The following RMST variants were observed in gnomAD, a reference collection of about 807,000 sequenced individuals.
RMST encodes rhabdomyosarcoma 2 associated transcript, also known as long intergenic non-protein coding RNA 54.
At chr12:97,542,678 T>C (rs1357569340) in intron 11 of RMST, among the ~76,000 whole-genome samples, 1 of 151,948 alleles carries the variant, frequency 6.6e-6, no homozygotes, top group Non-Finnish European at 1.5e-5. Context: ...TCTGGGGCTT[T>C]GATTCATGAA....
chr12:97,532,131 T>G (rs1434021710), intron 11 of RMST, among the ~76,000 whole-genome samples: 2 of 151,990 alleles, frequency 1.3e-5, no homozygotes, highest in Non-Finnish European at 2.9e-5. Flanking sequence ...TTTAATTTCA[T>G]CAGTAAGAAA....
chr12:97,553,200 T>G (rs753345650), intron 11 of RMST, among the ~76,000 whole-genome samples: 1 of 152,128 alleles, frequency 6.6e-6, no homozygotes, highest in Non-Finnish European at 1.5e-5. Context: ...TTTATTTTTA[T>G]TCTAATTATT....
At chr12:97,503,332 C>T (rs1405298144) in intron 10 of RMST, among the ~76,000 whole-genome samples, 2 of 151,930 alleles carry the variant, frequency 1.3e-5, no homozygotes, top group Admixed American at 6.6e-5. Flanking sequence ...TCAATTTTAT[C>T]GACGTGAACT....
chr12:97,540,558 G>C (rs1192098196), intron 11 of RMST, among the ~76,000 whole-genome samples: 1 of 151,710 alleles, frequency 6.6e-6, no homozygotes, highest in African/African-American at 2.4e-5. Context: ...AGCAAAGCTT[G>C]TAGACGGGCA....
At chr12:97,470,947 T>G (rs1873838772) in intron 5 of RMST, among the ~76,000 whole-genome samples, 1 of 152,126 alleles carries the variant, frequency 6.6e-6, no homozygotes, top group Non-Finnish European at 1.5e-5. Context: ...AAACTCCTAG[T>G]GCAAATCTCC....
intron 5 of RMST, among the ~76,000 whole-genome samples, chr12:97,488,137 G>A (rs1017322416): frequency 3.3e-5 from 5 of 152,090 alleles, no homozygotes; most frequent in South Asian, 4.1e-4. Flanking sequence ...GTAATCCAGC[G>A]CTTTGGGAGG....
intron 11 of RMST, among the ~76,000 whole-genome samples, chr12:97,531,380 T>A (rs1881610409): frequency 6.6e-6 from 1 of 152,030 alleles, no homozygotes; most frequent in South Asian, 2.1e-4. Flanking sequence ...AAAACAACAT[T>A]TATAAAGACG....
chr12:97,501,732 G>A (rs756344061), intron 10 of RMST, among the ~76,000 whole-genome samples: 5 of 152,146 alleles, frequency 3.3e-5, no homozygotes, highest in Non-Finnish European at 5.9e-5. Flanking sequence ...AAAAATGGCT[G>A]GTTAGTGTCA....
chr12:97,514,667 GTT>G (rs201789963), intron 10 of RMST, among the ~76,000 whole-genome samples: 20 of 144,216 alleles, frequency 1.4e-4, no homozygotes, highest in African/African-American at 5.0e-4. Context: ...AAAGTATATT[GTT>G]TTTTTTTTTT....
In RMST at chr12:97,507,292, A is replaced by C. The variant is rs533675033; in HGVS notation, n.1340+11236A>C. Among the ~76,000 whole-genome samples the C allele has an allele frequency of 5.3e-5, 8 of 151,228 alleles. No individual in the cohort carries two copies. The South Asian group carries it at 1.7e-3, about 31-fold the overall frequency. On this transcript the variant is annotated intron_variant and non_coding_transcript_variant, in intron 10 of 13. Transcript: ENST00000640149. ...TGTTTTTGTCTTTTTTTTTTTAAAA[A>C]AAAAAAGATGGCTAACTCTGCCAAC...
chr12:97,469,111 G>A (rs920438420), intron 5 of RMST, among the ~76,000 whole-genome samples: 11 of 150,598 alleles, frequency 7.3e-5, no homozygotes, highest in African/African-American at 2.2e-4. Flanking sequence ...TAGTAAAAGG[G>A]GAAAGATTTA....
chr12:97,522,678 A>C (rs1398852856), intron 10 of RMST, among the ~76,000 whole-genome samples: 1 of 152,182 alleles, frequency 6.6e-6, no homozygotes, highest in Non-Finnish European at 1.5e-5. Flanking sequence ...AAAGGTAATA[A>C]AAAGATTAGA....
At chr12:97,495,370 C>T (rs1236581897) in intron 9 of RMST, among the ~76,000 whole-genome samples, 1 of 151,912 alleles carries the variant, frequency 6.6e-6, no homozygotes, top group African/African-American at 2.4e-5. Flanking sequence ...AATATAATGT[C>T]TGCATGACAA....
chr12:97,539,896 G>A (rs1401184895), intron 11 of RMST, among the ~76,000 whole-genome samples: 5 of 151,536 alleles, frequency 3.3e-5, no homozygotes, highest in Non-Finnish European at 5.9e-5. Flanking sequence ...TTGTGCCCAA[G>A]GTTCAACAGA....
At chr12:97,467,206 A>G (rs1873292719) in intron 5 of RMST, among the ~76,000 whole-genome samples, 1 of 152,048 alleles carries the variant, frequency 6.6e-6, no homozygotes, top group African/African-American at 2.4e-5. Context: ...AAGTGCAGAG[A>G]TATAAACGTG....
At chr12:97,540,407 T>C (rs909026225) in intron 11 of RMST, among the ~76,000 whole-genome samples, 2 of 151,780 alleles carry the variant, frequency 1.3e-5, no homozygotes, top group African/African-American at 4.8e-5. Flanking sequence ...TTTTGGTTGG[T>C]TTATTGTCTG....
intron 10 of RMST, among the ~76,000 whole-genome samples, chr12:97,520,199 C>T (rs568570972): frequency 6.6e-6 from 1 of 152,174 alleles, no homozygotes; most frequent in Non-Finnish European, 1.5e-5. Context: ...AATAGTGGAA[C>T]GTCTTTGGCC....
chr12:97,538,666 G>T (rs1258220843), intron 11 of RMST, among the ~76,000 whole-genome samples: 2 of 151,348 alleles, frequency 1.3e-5, no homozygotes, highest in African/African-American at 4.8e-5. Context: ...CTAAATGGGG[G>T]TGATTTTCAT....
intron 10 of RMST, among the ~76,000 whole-genome samples, chr12:97,525,969 T>C (rs1353575045): frequency 2.0e-5 from 3 of 152,186 alleles, no homozygotes; most frequent in African/African-American, 7.2e-5. Context: ...TGATCTGGGT[T>C]GTGCACTCCT....
Sources: gnomAD v4.1 joint callset for allele counts (sites outside exome capture counted in the v4.1 genomes callset) on GRCh38, gnomAD v4.1.1 for gene constraint, MANE v1.5 for transcripts, NCBI Gene and HGNC (gene_info 2026-07-23, HGNC 2026-07-21) for gene names.